Variants in TRRAP observed in about 807,000 individuals in gnomAD.
TRRAP encodes transformation/transcription domain associated protein.
In TRRAP, 41 loss-of-function variants were observed where a neutral mutation model predicts 438.8. The ratio of observed to expected loss-of-function variants is 0.09; its 90% CI spans 0.07 to 0.12. The LOEUF (loss-of-function observed/expected upper bound fraction) is 0.12. Among genes scored for constraint, TRRAP ranks in the 10% least tolerant of loss-of-function variants. The pLI is 1.00. For missense variants in TRRAP, 3,122 were observed against 5,055.1 expected, an observed-to-expected ratio of 0.62 and a Z score of 11.60; for synonymous variants, 1,994 against 1,962.9, an observed-to-expected ratio of 1.02 and a Z score of -0.42.
chr7:98,974,391 C>A (rs773085251), intron 53 of TRRAP, among the ~76,000 whole-genome samples: 3 of 152,194 alleles, frequency 2.0e-5, no homozygotes, highest in Middle Eastern at 3.2e-3. Context: ...CGGTCCTCAC[C>A]CCAGGCACAC....
chr7:98,919,967 C>G (rs1554410191), intron 20 of TRRAP, among the ~76,000 whole-genome samples: 1 of 152,158 alleles, frequency 6.6e-6, no homozygotes, highest in Non-Finnish European at 1.5e-5. Context: ...CCTGAGGACA[C>G]CCAAGGGTTG....
chr7:98,951,012 C>A lies in TRRAP; in HGVS notation c.5463+8C>A. The stretch of plus-strand genomic sequence containing the variant: ...AGTGTGTTTATTACCAAGGTGGTAT[C>A]ACTATGTGTGTGGGTGTGAGAAGTA... On this transcript the variant is annotated splice_region_variant and intron_variant, in intron 39 of 72. Transcript: ENST00000456197. The A allele has an allele frequency of 6.3e-7, 1 of 1,582,052 alleles. No homozygotes were observed. The highest frequency in any genetic ancestry group is 8.6e-7 in the Non-Finnish European group (1 of 1,166,146).
At chr7:99,002,725 A>G (rs1010124092) in intron 67 of TRRAP, among the ~76,000 whole-genome samples, 1 of 152,140 alleles carries the variant, frequency 6.6e-6, no homozygotes, top group African/African-American at 2.4e-5. Context: ...AGTGCTATGA[A>G]AAAAAAACAC....
At chr7:98,966,635 AG>A (rs1202812389) in intron 49 of TRRAP, among the ~76,000 whole-genome samples, 3 of 152,210 alleles carry the variant, frequency 2.0e-5, no homozygotes, top group African/African-American at 7.2e-5. Flanking sequence ...CAGTAAGCCA[AG>A]ATCACACCAC....
intron 32 of TRRAP, 21 bp from the exon 33 acceptor site, chr7:98,945,909 G>A (rs781803572): frequency 5.2e-6 from 8 of 1,533,166 alleles, no homozygotes; most frequent in African/African-American, 4.2e-5. Flanking sequence ...TTTTCATGCT[G>A]TAATTTTTGT....
At chr7:98,920,141 A>G (rs1789713908) in intron 20 of TRRAP, among the ~76,000 whole-genome samples, 1 of 152,230 alleles carries the variant, frequency 6.6e-6, no homozygotes, top group South Asian at 2.1e-4. Flanking sequence ...GCTAGACATG[A>G]ATATTTGGCA....
intron 3 of TRRAP, among the ~76,000 whole-genome samples, chr7:98,889,557 A>ATTTT (rs1562926713): frequency 2.1e-5 from 3 of 141,696 alleles, no homozygotes; most frequent in African/African-American, 5.2e-5. Context: ...TTTTTTTTTA[A>ATTTT]AAAAAATAGA....
At position 98,994,192 on chromosome 7, in the gene TRRAP, T is replaced by A. The variant is rs1793544758; in HGVS notation, c.10048-395T>A. Among the ~76,000 whole-genome samples, 1 of 152,182 alleles carries A rather than the reference T, an allele frequency of 6.6e-6. No homozygotes were observed. The highest frequency in any genetic ancestry group is 2.4e-5 in the African/African-American group (1 of 41,450). Reference sequence around the variant, plus strand: ...CTCACTGCCCAGATGCTTACCTGGTTGAGCCCCGGGGCCAGCTCCTTACTG... The same window carrying A: ...CTCACTGCCCAGATGCTTACCTGGTAGAGCCCCGGGGCCAGCTCCTTACTG... On this transcript the variant is annotated intron_variant, in intron 66 of 72. Transcript: ENST00000456197. The surrounding 1 kb of genome is among the most constrained non-coding windows in gnomAD (Gnocchi z 4.8).
chr7:98,962,436 G>T lies in TRRAP; in HGVS notation c.6829+9G>T, dbSNP rs1256835761. The T allele has an allele frequency of 2.5e-6, 4 of 1,614,118 alleles. No individual in the cohort carries two copies. Among genetic ancestry groups the T allele is most frequent in the Non-Finnish European group, 3.4e-6 (4 of 1,180,040 alleles). Reference sequence around the variant, plus strand: ...TCCCTCCCAGCTCTTCGGTGAGTGTGTGTCTGTCCTGGTGTTCGTGGTGGC... The same window carrying T: ...TCCCTCCCAGCTCTTCGGTGAGTGTTTGTCTGTCCTGGTGTTCGTGGTGGC... On this transcript the variant is annotated intron_variant, in intron 47 of 72. Coordinates refer to ENST00000456197, the MANE Select transcript of TRRAP (RefSeq NM_001375524.1).
At position 98,895,941 on chromosome 7, in the gene TRRAP, G is replaced by A. The variant is rs577677006; in HGVS notation, c.507+121G>A. 1.5e-5 allele frequency: 10 copies of A among 685,298 alleles called. No homozygotes were observed. In the East Asian group the frequency reaches 2.5e-4, roughly 17 times the overall value. The allele number at this position is 685,298 out of a possible 1,614,324, so 42.5% of individuals were successfully genotyped here. On this transcript the variant is annotated intron_variant, in intron 7 of 72. Transcript: ENST00000456197. ...GGGAGGGTTTACTATTTTAGAATGG[G>A]GAATGTTTAGCAATGGTTAAAAACT...
intron 12 of TRRAP, among the ~76,000 whole-genome samples, chr7:98,904,168 G>T (rs1554407157): frequency 6.6e-6 from 1 of 152,036 alleles, no homozygotes; most frequent in African/African-American, 2.4e-5. Context: ...GACCTTTGTA[G>T]CACAAGGATT....
At chr7:98,961,160 ATAAT>A in intron 45 of TRRAP, 97 bp from the exon 46 acceptor site, 2 of 1,093,510 alleles carry the variant, frequency 1.8e-6, no homozygotes, top group Middle Eastern at 2.1e-4. Context: ...TAGTCTCCAA[ATAAT>A]TAATCCAGTG....
intron 62 of TRRAP, among the ~76,000 whole-genome samples, chr7:98,985,458 C>T (rs1220800831): frequency 6.6e-6 from 1 of 152,234 alleles, no homozygotes; most frequent in Non-Finnish European, 1.5e-5. Context: ...GGAACACATC[C>T]CTCCCCACTG....
rs1487300407 is a variant in TRRAP at position 99,005,647 on chromosome 7, C to A, written c.10753+299C>A. 1.3e-5 allele frequency among the ~76,000 whole-genome samples: 2 copies of A among 152,240 alleles called. No individual in the cohort carries two copies. Among genetic ancestry groups the A allele is most frequent in the African/African-American group, 4.8e-5 (2 of 41,538 alleles). Reference sequence around the variant, plus strand: ...CTTTGAATGTGGTTCGACACAAATTCGTCAACTTTCTTAGGACATTATGAG... The same window carrying A: ...CTTTGAATGTGGTTCGACACAAATTAGTCAACTTTCTTAGGACATTATGAG... On this transcript the variant is annotated intron_variant, in intron 69 of 72. Transcript: ENST00000456197. This position sits in a 1 kb window ranked among gnomAD's most constrained non-coding sequence, Gnocchi z 5.1.
In TRRAP at chr7:98,976,033, T is replaced by G; in HGVS notation, c.7840-116T>G. The G allele has an allele frequency of 1.5e-6, 2 of 1,314,042 alleles. No homozygotes were observed. Among genetic ancestry groups the G allele is most frequent in the Non-Finnish European group, 2.0e-6 (2 of 979,122 alleles). The allele number at this position is 1,314,042 out of a possible 1,614,324, so 81.4% of individuals were successfully genotyped here. A position where few individuals can be genotyped will look rare whatever the true frequency, so the allele number is the denominator to read the frequency against. On this transcript the variant is annotated intron_variant, in intron 53 of 72. Transcript: ENST00000456197. The surrounding 1 kb of genome is among the most constrained non-coding windows in gnomAD (Gnocchi z 4.6). ...GCATTTTCTCAGATCTTTGAAACTTTGAAAGTGGAGGAGCATCGGTAATGT... is the reference window on the plus strand; with the variant it reads ...GCATTTTCTCAGATCTTTGAAACTTGGAAAGTGGAGGAGCATCGGTAATGT...
At chr7:98,982,047 C>G in intron 59 of TRRAP, 87 bp downstream of exon 59, 2 of 1,320,298 alleles carry the variant, frequency 1.5e-6, no homozygotes, top group South Asian at 1.7e-5. Context: ...CAGACTGCTC[C>G]GGACAGCAGA....
At position 98,910,282 on chromosome 7, in the gene TRRAP, C is replaced by T; in HGVS notation, c.1577C>T (p.Pro526Leu). The change falls in exon 15 of 73, where the codon CCC becomes CTC. Residue 526 changes from proline to leucine, a missense_variant. This residue lies in a region of TRRAP where 115 missense variants were observed against 124.6 expected (regional missense o/e 0.92). Coordinates refer to ENST00000456197, the MANE Select transcript of TRRAP (RefSeq NM_001375524.1). The stretch of plus-strand genomic sequence containing the variant: ...CCTGTGACCCCGGCCCCCGTGCCTC[C>T]CTTCGAGAAGCAAGGAGAAAAGGAC... ...ATPVTPAPVP[P>L]FEKQGEKDKE... 6.2e-7 allele frequency: 1 copy of T among 1,603,012 alleles called. No homozygotes were observed. The highest frequency in any genetic ancestry group is 2.2e-5 in the East Asian group (1 of 44,730).
intron 30 of TRRAP, among the ~76,000 whole-genome samples, 189 bp from the exon 31 acceptor site, chr7:98,942,760 G>T (rs1244314980): frequency 1.3e-5 from 2 of 152,182 alleles, no homozygotes; most frequent in Non-Finnish European, 2.9e-5. Flanking sequence ...AGCAAGGCAG[G>T]CTTTTTATTT....
intron 23 of TRRAP, among the ~76,000 whole-genome samples, chr7:98,929,693 A>G (rs1392734829): frequency 6.6e-6 from 1 of 151,664 alleles, no homozygotes; most frequent in Non-Finnish European, 1.5e-5. Flanking sequence ...TCCTGGGTTC[A>G]AGTGATTCTC....
Sources: allele counts gnomAD v4.1 joint callset (sites outside exome capture counted in the v4.1 genomes callset), GRCh38; gene constraint gnomAD v4.1.1; regional missense constraint gnomAD v4.1.1; non-coding constraint Gnocchi (gnomAD v3.1); transcripts MANE v1.5; gene names NCBI Gene and HGNC (gene_info 2026-07-23, HGNC 2026-07-21).